The following EXD3 variants were observed in gnomAD, a reference collection of about 807,000 sequenced individuals.
The protein encoded by EXD3 is exonuclease mut-7 homolog.
A neutral mutation model predicts 98.0 loss-of-function variants in EXD3; 92 were observed. The observed-to-expected ratio is 0.94, with a 90% confidence interval of 0.79 to 1.12. The LOEUF is 1.12. Ranked by LOEUF, EXD3 falls within the 50% of genes most tolerant of loss-of-function variation. The pLI is 0.00. For missense variants in EXD3, 1,222 were observed against 1,191.6 expected (o/e 1.03, Z -0.38); for synonymous variants, 569 against 526.0 (o/e 1.08, Z -1.12).
At chr9:137,381,572 C>T (rs926841479) in intron 3 of EXD3, among the ~76,000 whole-genome samples, 3 of 152,144 alleles carry the variant, frequency 2.0e-5, no homozygotes, top group African/African-American at 4.8e-5. Flanking sequence ...TCCTCCTGCC[C>T]GTCTCCCAGG....
chr9:137,374,204 C>T (rs996698492), intron 3 of EXD3, among the ~76,000 whole-genome samples: 41 of 152,264 alleles, frequency 2.7e-4, no homozygotes, highest in African/African-American at 9.6e-4. Flanking sequence ...GACTTCAAGC[C>T]ATAACGACTG....
chr9:137,333,688 T>C (rs937379005), intron 17 of EXD3, among the ~76,000 whole-genome samples: 1 of 152,158 alleles, frequency 6.6e-6, no homozygotes, highest in African/African-American at 2.4e-5. Flanking sequence ...ACATGCAAAC[T>C]CTTGCTTTGC....
At chr9:137,328,593 TACACGGGACTAC>T in intron 17 of EXD3, among the ~76,000 whole-genome samples, 1 of 52,002 alleles carries the variant, frequency 1.9e-5, no homozygotes, top group East Asian at 1.1e-3. Flanking sequence ...TACACGGGAC[TACACGGGACTAC>T]ACGGGGCTAC....
rs1837772401 is a variant in EXD3 at position 137,407,363 on chromosome 9, T to C, written c.-47-11959A>G. On this transcript the variant is annotated intron_variant, in intron 1 of 21. Coordinates refer to ENST00000340951, the MANE Select transcript of EXD3 (RefSeq NM_017820.5). This position sits in a 1 kb window ranked among gnomAD's most constrained non-coding sequence, Gnocchi z 4.4. ...CTGCCCTAAATACCGCAGAGGTGACTGCTCCCCCGCGAAGCCCACCCACCT... is the reference window on the plus strand; with the variant it reads ...CTGCCCTAAATACCGCAGAGGTGACCGCTCCCCCGCGAAGCCCACCCACCT... Among the ~76,000 whole-genome samples the C allele has an allele frequency of 6.6e-6, 1 of 152,176 alleles. No individual in the cohort carries two copies. Among genetic ancestry groups the C allele is most frequent in the African/African-American group, 2.4e-5 (1 of 41,440 alleles).
At chr9:137,417,951 G>A (rs1276626923) in intron 1 of EXD3, among the ~76,000 whole-genome samples, 4 of 152,184 alleles carry the variant, frequency 2.6e-5, no homozygotes, top group Non-Finnish European at 4.4e-5. Context: ...TGGGACCACG[G>A]AGGGGACGGG....
rs113624410 is a variant in EXD3 at position 137,385,749 on chromosome 9, G to T, written c.56-2372C>A. On this transcript the variant is annotated intron_variant, in intron 2 of 21. Coordinates refer to ENST00000340951, the MANE Select transcript of EXD3 (RefSeq NM_017820.5). This position sits in a 1 kb window ranked among gnomAD's most constrained non-coding sequence, Gnocchi z 4.4. ...GGTTTTCACCATGTTGGCCAGGCTG[G>T]TCTTGAACTCCTGAGCTCAATTGGT... 0.023 allele frequency among the ~76,000 whole-genome samples: 3,543 copies of T among 152,148 alleles called. 128 individuals are homozygous for T. The highest frequency in any genetic ancestry group is 0.08 in the African/African-American group (3,340 of 41,518).
chr9:137,352,273 G>T, intron 11 of EXD3, 72 bp from the exon 12 acceptor site: 1 of 1,588,848 alleles, frequency 6.3e-7, no homozygotes, highest in Non-Finnish European at 8.6e-7. Context: ...GAGCAGGAGG[G>T]GAGCATTCAG....
At position 137,323,875 on chromosome 9, in the gene EXD3, GCTA is replaced by G; in HGVS notation, c.2053-22_2053-20del. 6.3e-7 allele frequency: 1 copy of G among 1,598,526 alleles called. No homozygotes were observed. Among genetic ancestry groups the G allele is most frequent in the Non-Finnish European group, 8.5e-7 (1 of 1,174,428 alleles). On this transcript the variant is annotated intron_variant, in intron 18 of 21. Coordinates refer to ENST00000340951, the MANE Select transcript of EXD3 (RefSeq NM_017820.5). ...CCCGGAGCTGCAAAGACACGGCTCG[GCTA>G]CTGAGGGGCAGTGCAGAGCCCAGCA...
intron 2 of EXD3, among the ~76,000 whole-genome samples, chr9:137,389,341 T>G (rs1415782871): frequency 6.6e-6 from 1 of 151,640 alleles, no homozygotes; most frequent in Non-Finnish European, 1.5e-5. Context: ...ACGGAGCCCC[T>G]TGCTCTATCA....
intron 10 of EXD3, chr9:137,353,820 C>G: frequency 1.0e-6 from 1 of 986,458 alleles, no homozygotes; most frequent in African/African-American, 1.7e-5. Context: ...CCCACGGCCT[C>G]GAGGAGGGTC....
intron 9 of EXD3, 155 bp from the exon 10 acceptor site, chr9:137,354,532 T>A (rs1834506793): frequency 6.5e-7 from 1 of 1,535,106 alleles, no homozygotes; most frequent in Admixed American, 2.0e-5. Flanking sequence ...CAGGGCCCCA[T>A]GGCCTCCCCT....
chr9:137,421,685 A>T (rs2131854547), intron 1 of EXD3, among the ~76,000 whole-genome samples: 1 of 152,306 alleles, frequency 6.6e-6, no homozygotes, highest in Non-Finnish European at 1.5e-5. Context: ...AAAAAAATTT[A>T]AAATTAGCCG....
At chr9:137,379,965 C>T (rs1836145164) in intron 3 of EXD3, among the ~76,000 whole-genome samples, 1 of 152,024 alleles carries the variant, frequency 6.6e-6, no homozygotes, top group African/African-American at 2.4e-5. Flanking sequence ...GACCCAGTGC[C>T]CACTGCACCC....
chr9:137,372,787 C>T, intron 5 of EXD3, 118 bp downstream of exon 5: 1 of 1,084,692 alleles, frequency 9.2e-7, no homozygotes. Flanking sequence ...TTGATACCTC[C>T]ATGTAGACCA....
In EXD3 at chr9:137,328,591, ACTACACGGGACTACACGGGG is replaced by A. The variant is rs1564477270; in HGVS notation, c.1999-4468_1999-4449del. Among the ~76,000 whole-genome samples the A allele has an allele frequency of 9.9e-4, 19 of 19,284 alleles. 2 individuals carry two copies. Among genetic ancestry groups the A allele is most frequent in the South Asian group, 5.5e-3 (3 of 550 alleles). The allele number at this position is 19,284 out of a possible 152,430, so 12.7% of individuals were successfully genotyped here. Reference sequence around the variant, plus strand: ...ACTAGTTACACAGGAGCTACACGGGACTACACGGGACTACACGGGGCTACACGGGACTACACGGGACTACA... The same window carrying A: ...ACTAGTTACACAGGAGCTACACGGGACTACACGGGACTACACGGGACTACA... On this transcript the variant is annotated intron_variant, in intron 17 of 21. Coordinates refer to ENST00000340951, the MANE Select transcript of EXD3 (RefSeq NM_017820.5).
Position 137,395,240 on chromosome 9 carries a change from GCACACCCAC to G in EXD3, c.55+54_55+62del. On this transcript the variant is annotated intron_variant, in intron 2 of 21. Coordinates refer to ENST00000340951, the MANE Select transcript of EXD3 (RefSeq NM_017820.5). The surrounding 1 kb of genome is among the most constrained non-coding windows in gnomAD (Gnocchi z 6.5). ...CACAGTGGGCGCCACCACCCCCCAT[GCACACCCAC>G]GCACCTCCCCCCACAGCCCCAGGGA... 1 of 1,382,074 alleles carries G rather than the reference GCACACCCAC, an allele frequency of 7.2e-7. No individual in the cohort carries two copies. Among genetic ancestry groups the G allele is most frequent in the Non-Finnish European group, 1.0e-6 (1 of 971,260 alleles). 85.6% of individuals were successfully genotyped at this position (1,382,074 alleles called of 1,614,324 possible).
At chr9:137,416,050 A>G (rs1308608454) in intron 1 of EXD3, among the ~76,000 whole-genome samples, 1 of 152,200 alleles carries the variant, frequency 6.6e-6, no homozygotes, top group African/African-American at 2.4e-5. Context: ...AAAAACCATG[A>G]ATGATATTTT....
In EXD3 at chr9:137,322,308, G is replaced by A. The variant is rs1832070557; in HGVS notation, c.2184+1417C>T. Among the ~76,000 whole-genome samples, 4 of 151,586 alleles carry A rather than the reference G, an allele frequency of 2.6e-5. No individual in the cohort carries two copies. The South Asian group carries it at 8.4e-4, about 32-fold the overall frequency. ...GCTGTCCCCGTGGCCATGCCAGCCT[G>A]CACTAGGGATGCTCTGCCGACGCCT... On this transcript the variant is annotated intron_variant, in intron 19 of 21. Transcript: ENST00000340951.
rs1564496920 is a variant in EXD3 at position 137,347,797 on chromosome 9, TAG to T, written c.1998+272_1998+273del. On this transcript the variant is annotated intron_variant, in intron 17 of 21. Coordinates refer to ENST00000340951, the MANE Select transcript of EXD3 (RefSeq NM_017820.5). The surrounding 1 kb of genome is among the most constrained non-coding windows in gnomAD (Gnocchi z 4.2). The stretch of plus-strand genomic sequence containing the variant: ...TTACACTGGGCCCACCCAAATAAGA[TAG>T]ACTCTCTATTTTAAGTTCAACTGAT... Among the ~76,000 whole-genome samples, 1 of 152,176 alleles carries T rather than the reference TAG, an allele frequency of 6.6e-6. No homozygotes were observed. The highest frequency in any genetic ancestry group is 2.4e-5 in the African/African-American group (1 of 41,454).
Sources: allele counts gnomAD v4.1 joint callset (sites outside exome capture counted in the v4.1 genomes callset), GRCh38; gene constraint gnomAD v4.1.1; non-coding constraint Gnocchi (gnomAD v3.1); transcripts MANE v1.5; gene names NCBI Gene and HGNC (gene_info 2026-07-23, HGNC 2026-07-21).